DENND11: variants seen among roughly 807,000 people sequenced by gnomAD.
DENND11 encodes DENN domain-containing protein 11.
Under a neutral mutation model 49.2 loss-of-function variants are expected in DENND11, and 34 were observed. That is an observed-to-expected ratio of 0.69 (90% CI 0.53 to 0.92). The LOEUF (loss-of-function observed/expected upper bound fraction) is 0.92. Among genes scored for constraint, DENND11 ranks in the 40% least tolerant of loss-of-function variants. The pLI, the probability that DENND11 is intolerant of heterozygous loss-of-function variation, is 0.00. For missense variants in DENND11, 475 were observed against 581.6 expected, an observed-to-expected ratio of 0.82 and a Z score of 1.88; for synonymous variants, 238 against 230.3, an observed-to-expected ratio of 1.03 and a Z score of -0.30.
intron 7 of DENND11, among the ~76,000 whole-genome samples, 176 bp from the exon 8 acceptor site, chr7:141,664,416 T>C (rs12538056): frequency 0.11 from 17,147 of 152,206 alleles, 1,349 homozygotes; most frequent in East Asian, 0.35. Context: ...GTTCTGCCCC[T>C]GGTAATCTTA....
rs1356917329 is a variant in DENND11, at chr7:141,659,144, T to A, written c.*3512A>T. 1 of 152,222 alleles carries A rather than the reference T, an allele frequency of 6.6e-6. No individual in the cohort carries two copies. Among genetic ancestry groups the A allele is most frequent in the Non-Finnish European group, 1.5e-5 (1 of 68,044 alleles). The allele number at this position is 152,222 out of a possible 1,614,324, so 9.4% of individuals were successfully genotyped here. ...GATGCAAGTTCCTAAGCTAAATTAC[T>A]TCTATTGATACATCAATGATTTCAG... is the stretch of plus-strand genomic sequence containing the variant. On this transcript the variant is annotated 3_prime_UTR_variant, in exon 9 of 9. Transcript: ENST00000536163.
At chr7:141,687,629 TA>T (rs1367039018) in intron 1 of DENND11, among the ~76,000 whole-genome samples, 2 of 134,460 alleles carry the variant, frequency 1.5e-5, no homozygotes, top group Non-Finnish European at 3.2e-5. Flanking sequence ...CACACTCGGC[TA>T]ATTTTTTTTT....
At chr7:141,685,927 G>C (rs1798235588) in intron 2 of DENND11, among the ~76,000 whole-genome samples, 1 of 152,124 alleles carries the variant, frequency 6.6e-6, no homozygotes, top group African/African-American at 2.4e-5. Context: ...GACTTGGATG[G>C]GTGAAGCAGA....
rs35125206 is a variant in DENND11, at chr7:141,674,230, AACACACAC to A, written c.528-18_528-11del. 46 of 1,494,618 alleles carry A rather than the reference AACACACAC, an allele frequency of 3.1e-5. No homozygotes were observed. The African/African-American group carries it at 4.7e-4, about 15-fold the overall frequency. The allele number at this position is 1,494,618 out of a possible 1,614,324, so 92.6% of individuals were successfully genotyped here. On this transcript the variant is annotated splice_polypyrimidine_tract_variant and intron_variant, in intron 3 of 8. Transcript: ENST00000536163. ...CATCTCCAACTGGTGCCTGCAGAAAAACACACACACACACACACACACACACACAGTGA... is the reference window on the plus strand; with the variant it reads ...CATCTCCAACTGGTGCCTGCAGAAAAACACACACACACACACACACAGTGA...
At chr7:141,680,239 C>T (rs1001365779) in intron 3 of DENND11, among the ~76,000 whole-genome samples, 3 of 152,078 alleles carry the variant, frequency 2.0e-5, no homozygotes, top group African/African-American at 7.2e-5. Flanking sequence ...AACTCTCAAC[C>T]TACTGATATG....
At chr7:141,664,042 C>A in intron 8 of DENND11, 130 bp downstream of exon 8, 1 of 731,680 alleles carries the variant, frequency 1.4e-6, no homozygotes, top group East Asian at 2.8e-5. Flanking sequence ...GTAAGGAGCC[C>A]GGCTCTAAGT....
At chr7:141,669,809 A>T (rs372042768) in intron 4 of DENND11, among the ~76,000 whole-genome samples, 98 of 116,216 alleles carry the variant, frequency 8.4e-4, no homozygotes, top group Non-Finnish European at 1.1e-3. Flanking sequence ...CATACATGCT[A>T]TTTTTTTTTT....
chr7:141,672,063 A>T (rs547397789), intron 4 of DENND11, among the ~76,000 whole-genome samples: 1 of 152,348 alleles, frequency 6.6e-6, no homozygotes, highest in South Asian at 2.1e-4. Context: ...AGCTTTCCTT[A>T]GCATGCACAG....
chr7:141,681,741 C>T (rs1798149931), intron 3 of DENND11, among the ~76,000 whole-genome samples: 1 of 152,156 alleles, frequency 6.6e-6, no homozygotes, highest in Non-Finnish European at 1.5e-5. Context: ...CTTCTTGACC[C>T]CTTAAGAAAC....
intron 1 of DENND11, among the ~76,000 whole-genome samples, chr7:141,689,842 G>A (rs1798298310): frequency 2.0e-5 from 3 of 152,220 alleles, no homozygotes. Flanking sequence ...ATGCTGATAT[G>A]TGTAGCAACA....
intron 3 of DENND11, among the ~76,000 whole-genome samples, chr7:141,685,058 AT>A (rs1248312396): frequency 7.8e-6 from 1 of 128,896 alleles, no homozygotes; most frequent in Non-Finnish European, 1.6e-5. Context: ...ATATATATAT[AT>A]TTTTAAGTTC....
chr7:141,677,248 A>G (rs1247951331), intron 3 of DENND11, among the ~76,000 whole-genome samples: 1 of 151,850 alleles, frequency 6.6e-6, no homozygotes, highest in Non-Finnish European at 1.5e-5. Context: ...CAACATGGTG[A>G]AACCTGTCTC....
rs146997516 is a variant in DENND11, at chr7:141,659,881, T to C, written c.*2775A>G. 6.6e-6 allele frequency: 1 copy of C among 152,306 alleles called. No individual in the cohort carries two copies. The highest frequency in any genetic ancestry group is 1.5e-5 in the Non-Finnish European group (1 of 68,034). 9.4% of individuals were successfully genotyped at this position (152,306 alleles called of 1,614,324 possible). On this transcript the variant is annotated 3_prime_UTR_variant, in exon 9 of 9. Coordinates refer to ENST00000536163, the MANE Select transcript of DENND11 (RefSeq NM_001080392.2). ...TCTGTGAACGATGTTCAGCACTTTC[T>C]TCTGAACAAAAGCAGATGGTTTCTC...
rs1797790677 is a variant in DENND11, at chr7:141,661,411, G to A, written c.*1245C>T. On this transcript the variant is annotated 3_prime_UTR_variant, in exon 9 of 9. Transcript: ENST00000536163. ...AGGTGGCAACAGGACCCAGCCTAGAGCAGAGCACTTCAGAAGAGGATGGAT... is the reference window on the plus strand; with the variant it reads ...AGGTGGCAACAGGACCCAGCCTAGAACAGAGCACTTCAGAAGAGGATGGAT... The A allele has an allele frequency of 6.6e-6, 1 of 152,218 alleles. No homozygotes were observed. Among genetic ancestry groups the A allele is most frequent in the Non-Finnish European group, 1.5e-5 (1 of 68,060 alleles). The allele number at this position is 152,218 out of a possible 1,614,324, so 9.4% of individuals were successfully genotyped here. A position where few individuals can be genotyped will look rare whatever the true frequency, so the allele number is the denominator to read the frequency against.
intron 1 of DENND11, among the ~76,000 whole-genome samples, chr7:141,690,857 C>T (rs1181732483): frequency 6.6e-6 from 1 of 152,134 alleles, no homozygotes; most frequent in East Asian, 1.9e-4. Context: ...CACTCTGCAT[C>T]GTGAATCTCC....
chr7:141,668,402 T>C (rs973955027), intron 4 of DENND11, among the ~76,000 whole-genome samples: 5 of 152,058 alleles, frequency 3.3e-5, no homozygotes, highest in Admixed American at 6.5e-5. Flanking sequence ...CTGGTCAACA[T>C]GGTGAAACCC....
chr7:141,666,006 C>T (rs192114008), intron 5 of DENND11, among the ~76,000 whole-genome samples: 1 of 151,278 alleles, frequency 6.6e-6, no homozygotes, highest in Admixed American at 6.6e-5. Flanking sequence ...CTTTACAACC[C>T]AATCAGACAA....
intron 1 of DENND11, among the ~76,000 whole-genome samples, chr7:141,692,666 C>G (rs925070351): frequency 1.3e-5 from 2 of 151,826 alleles, no homozygotes; most frequent in African/African-American, 4.8e-5. Context: ...ATAGCGAGAC[C>G]CTGTCTCTAC....
At chr7:141,689,108 C>T (rs1273303822) in intron 1 of DENND11, among the ~76,000 whole-genome samples, 1 of 152,182 alleles carries the variant, frequency 6.6e-6, no homozygotes, top group African/African-American at 2.4e-5. Context: ...ACTTTATTTA[C>T]CCAAATGTTA....
Sources: gnomAD v4.1 joint callset for allele counts (sites outside exome capture counted in the v4.1 genomes callset) on GRCh38, gnomAD v4.1.1 for gene constraint, MANE v1.5 for transcripts, NCBI Gene and HGNC (gene_info 2026-07-23, HGNC 2026-07-21) for gene names.